The following CEMIP variants were observed in gnomAD, a reference collection of about 807,000 sequenced individuals.
CEMIP encodes the protein cell migration-inducing and hyaluronan-binding protein.
A neutral mutation model predicts 156.9 loss-of-function variants in CEMIP; 105 were observed. That is an observed-to-expected ratio of 0.67 (90% CI 0.57 to 0.79). The LOEUF (loss-of-function observed/expected upper bound fraction) is 0.79, where lower values mean the gene tolerates loss of function less well. Among genes scored for constraint, CEMIP ranks in the 30% least tolerant of loss-of-function variants. The pLI, the probability that CEMIP is intolerant of heterozygous loss-of-function variation, is 0.00. For missense variants in CEMIP, 1,457 were observed against 1,769.4 expected (o/e 0.82, Z 3.17); for synonymous variants, 676 against 668.4 (o/e 1.01, Z -0.17).
In CEMIP at chr15:80,873,873, T is replaced by C; in HGVS notation, c.-7T>C. The C allele has an allele frequency of 1.9e-6, 3 of 1,574,104 alleles. No homozygotes were observed. The highest frequency in any genetic ancestry group is 2.6e-6 in the Non-Finnish European group (3 of 1,158,074). ...TGTGCTTCTCTTTCAGGGAGCACAC[T>C]GCCAGGATGGGAGCTGCTGGGAGGC... is the stretch of plus-strand genomic sequence containing the variant. On this transcript the variant is annotated 5_prime_UTR_variant, in exon 3 of 30. Transcript: ENST00000394685.
intron 1 of CEMIP, among the ~76,000 whole-genome samples, chr15:80,795,555 T>C (rs914587379): frequency 6.6e-6 from 1 of 151,302 alleles, no homozygotes; most frequent in South Asian, 2.1e-4. Context: ...AAGACTAGAG[T>C]GGGTTTGGGC....
In CEMIP at chr15:80,907,392, G is replaced by A. The variant is rs545179281; in HGVS notation, c.1587+554G>A. Among the ~76,000 whole-genome samples the A allele has an allele frequency of 1.8e-4, 27 of 152,284 alleles. No homozygotes were observed. In the East Asian group the frequency reaches 2.5e-3, roughly 14 times the overall value. ...AGCCTGGCCACCATGGTGAAACCCC[G>A]TCTCTACTAAAAATACAAAAATTAG... On this transcript the variant is annotated intron_variant, in intron 13 of 29. Transcript: ENST00000394685.
chr15:80,854,873 C>A lies in CEMIP; in HGVS notation c.-175-18665C>A, dbSNP rs371967766. 5.9e-5 allele frequency among the ~76,000 whole-genome samples: 9 copies of A among 152,278 alleles called. No individual in the cohort carries two copies. In the South Asian group the frequency reaches 1.9e-3, roughly 32 times the overall value. ...AAAAAACCCACAGAAATTTCCCAGA[C>A]CTGGAGAGCCACTAAGTGGCACATG... is the stretch of plus-strand genomic sequence containing the variant. On this transcript the variant is annotated intron_variant, in intron 1 of 29. Transcript: ENST00000394685.
At chr15:80,921,386 G>C (rs554965319) in intron 16 of CEMIP, among the ~76,000 whole-genome samples, 7 of 152,330 alleles carry the variant, frequency 4.6e-5, no homozygotes, top group African/African-American at 1.7e-4. Flanking sequence ...AGAATGCCAT[G>C]ATTTTAGCTT....
At chr15:80,786,731 G>A (rs1895950005) in intron 1 of CEMIP, among the ~76,000 whole-genome samples, 3 of 152,112 alleles carry the variant, frequency 2.0e-5, no homozygotes, top group African/African-American at 7.2e-5. Flanking sequence ...TATGATAGGT[G>A]CAGGAAACTC....
chr15:80,905,622 T>C (rs1227880063), intron 12 of CEMIP, among the ~76,000 whole-genome samples: 4 of 152,132 alleles, frequency 2.6e-5, no homozygotes, highest in Admixed American at 2.0e-4. Context: ...GGGCTCTGAT[T>C]ACAGCAGGAG....
Position 80,878,839 on chromosome 15 carries a change from G to A in CEMIP, c.213G>A (p.Thr71=), listed in dbSNP as rs201233434. The stretch of plus-strand genomic sequence containing the variant: ...CACTGCTGCTCACCTCTTCTGCCAC[G>A]GTCTATTCCATCCACATCTCAGAGG... ...GKTLLLTSSA[T]VYSIHISEGG... The change falls in exon 4 of 30, where the codon ACG becomes ACA. Residue 71 remains threonine (T), a synonymous_variant. Transcript: ENST00000394685. The A allele has an allele frequency of 2.2e-4, 349 of 1,614,128 alleles. No homozygotes were observed. Among genetic ancestry groups the A allele is most frequent in the East Asian group, 8.0e-4 (36 of 44,882 alleles).
chr15:80,820,268 C>A (rs534149573), intron 1 of CEMIP, among the ~76,000 whole-genome samples: 1 of 152,340 alleles, frequency 6.6e-6, no homozygotes, highest in Non-Finnish European at 1.5e-5. Flanking sequence ...GGAAAGTGGG[C>A]AGCCTGTTCC....
intron 1 of CEMIP, among the ~76,000 whole-genome samples, chr15:80,826,450 G>T (rs1421203068): frequency 2.0e-5 from 3 of 152,078 alleles, no homozygotes; most frequent in Non-Finnish European, 4.4e-5. Context: ...ACACTTTTTG[G>T]TGCTGTCTTT....
intron 18 of CEMIP, 58 bp downstream of exon 18, chr15:80,924,764 C>A (rs1349272789): frequency 7.2e-7 from 1 of 1,392,436 alleles, no homozygotes; most frequent in African/African-American, 1.4e-5. Context: ...GCTCCTGCCT[C>A]CCCCTCCTTC....
chr15:80,807,194 G>A (rs575733533), intron 1 of CEMIP, among the ~76,000 whole-genome samples: 9 of 151,702 alleles, frequency 5.9e-5, no homozygotes, highest in African/African-American at 2.2e-4. Context: ...GGCATTTGAG[G>A]TTAAAGGAAG....
At chr15:80,921,254 G>C (rs1900459997) in intron 16 of CEMIP, among the ~76,000 whole-genome samples, 153 bp downstream of exon 16, 1 of 152,138 alleles carries the variant, frequency 6.6e-6, no homozygotes, top group African/African-American at 2.4e-5. Flanking sequence ...GAAAACGACA[G>C]ACTGGGGGTG....
chr15:80,846,722 A>G (rs1897569634), intron 1 of CEMIP, among the ~76,000 whole-genome samples: 1 of 152,246 alleles, frequency 6.6e-6, no homozygotes, highest in Non-Finnish European at 1.5e-5. Context: ...TTGAGTGATC[A>G]GCTCAAGATC....
intron 1 of CEMIP, among the ~76,000 whole-genome samples, chr15:80,828,021 A>T (rs1002384762): frequency 6.6e-6 from 1 of 152,238 alleles, no homozygotes; most frequent in Non-Finnish European, 1.5e-5. Flanking sequence ...GAAAAAAGTC[A>T]TTATCAAAGG....
chr15:80,798,294 T>A (rs1294849695), intron 1 of CEMIP, among the ~76,000 whole-genome samples: 1 of 152,236 alleles, frequency 6.6e-6, no homozygotes, highest in Non-Finnish European at 1.5e-5. Context: ...AGTTTATTCA[T>A]AAGCATTTTC....
intron 1 of CEMIP, among the ~76,000 whole-genome samples, chr15:80,802,625 C>T (rs1896406937): frequency 6.6e-6 from 1 of 152,204 alleles, no homozygotes; most frequent in African/African-American, 2.4e-5. Context: ...TGGGTCAGTT[C>T]CTGCTGCTTT....
At chr15:80,829,996 G>GTA (rs1330640642) in intron 1 of CEMIP, among the ~76,000 whole-genome samples, 8 of 118,374 alleles carry the variant, frequency 6.8e-5, no homozygotes, top group Non-Finnish European at 1.4e-4. Flanking sequence ...GTGTGTGTGT[G>GTA]TGTGTGCGCG....
At chr15:80,947,155 G>A in intron 29 of CEMIP, 90 bp downstream of exon 29, 1 of 817,308 alleles carries the variant, frequency 1.2e-6, no homozygotes, top group Non-Finnish European at 2.1e-6. Context: ...TTGCTGAGTT[G>A]AGAACATGCT....
chr15:80,794,813 G>C (rs944830341), intron 1 of CEMIP, among the ~76,000 whole-genome samples: 8 of 152,200 alleles, frequency 5.3e-5, no homozygotes, highest in African/African-American at 1.9e-4. Flanking sequence ...ACGGGCGTAT[G>C]TGATTCCAAA....
Sources: gnomAD v4.1 joint callset for allele counts (sites outside exome capture counted in the v4.1 genomes callset) on GRCh38, gnomAD v4.1.1 for gene constraint, MANE v1.5 for transcripts, NCBI Gene and HGNC (gene_info 2026-07-23, HGNC 2026-07-21) for gene names.